Variants in NEB observed in about 807,000 individuals in gnomAD.
NEB encodes the protein nebulin.
Under a neutral mutation model 952.2 loss-of-function variants are expected in NEB, and 512 were observed. The observed-to-expected ratio is 0.54, with a 90% CI of 0.50 to 0.58. The LOEUF (loss-of-function observed/expected upper bound fraction) is 0.58. Ranked by LOEUF, NEB falls within the 20% of genes least tolerant of loss-of-function variation. The probability of loss-of-function intolerance (pLI) is 0.00; values close to 1 mark genes in which losing one functional copy is unlikely to be tolerated. For synonymous variants in NEB, 2,900 were observed against 3,149.8 expected (o/e 0.92, Z 2.66); for missense variants, 8,428 against 9,231.1 (o/e 0.91, Z 3.56).
At chr2:151,620,244 G>C (rs1186574592) in intron 72 of NEB, among the ~76,000 whole-genome samples, 1 of 150,062 alleles carries the variant, frequency 6.7e-6, no homozygotes, top group Non-Finnish European at 1.5e-5. Context: ...TGAAAATTCT[G>C]GAAATCTGTT....
In NEB at chr2:151,529,286, T is replaced by C; in HGVS notation, c.21659A>G (p.Asn7220Ser). The C allele has an allele frequency of 6.2e-7, 1 of 1,613,192 alleles. No homozygotes were observed. Among genetic ancestry groups the C allele is most frequent in the Non-Finnish European group, 8.5e-7 (1 of 1,179,134 alleles). ...TGGCTCAATGGTGCAGTTGGATTTA[T>C]TTCTTTGGTATACTTCTTTGTATTT... is the stretch of plus-strand genomic sequence containing the variant. ...DLKYKEVYQR[N>S]KSNCTIEPDA... Residue 7220 changes from asparagine to serine, a missense_variant, in exon 146 of 182, where the codon AAT (asparagine) becomes AGT (serine). Physicochemically the swap from Asn to Ser is conservative, Grantham distance 46 (BLOSUM62 1). Coordinates refer to ENST00000397345, the MANE Select transcript of NEB (RefSeq NM_001164508.2).
At chr2:151,526,833 ATCCT>A in intron 148 of NEB, 81 bp downstream of exon 148, 2 of 1,016,458 alleles carry the variant, frequency 2.0e-6, no homozygotes, top group Non-Finnish European at 3.0e-6. Flanking sequence ...GCTCTTCTCC[ATCCT>A]TCCCTGGTGT....
At chr2:151,578,822 C>A (rs2097001056) in intron 105 of NEB, among the ~76,000 whole-genome samples, 1 of 151,798 alleles carries the variant, frequency 6.6e-6, no homozygotes, top group South Asian at 2.1e-4. Context: ...TGGCTCACTT[C>A]TGTAATCCCA....
chr2:151,541,376 A>AGGTGAG, intron 136 of NEB, 71 bp downstream of exon 136: 2 of 1,140,494 alleles, frequency 1.8e-6, no homozygotes, highest in Non-Finnish European at 2.5e-6. Flanking sequence ...GCCACTGGCC[A>AGGTGAG]GGTGAGGCCA....
In NEB at chr2:151,659,046, CA is replaced by C. The variant is rs1444018232; in HGVS notation, c.6075+18del. 4.0e-6 allele frequency: 6 copies of C among 1,487,518 alleles called. No homozygotes were observed. The African/African-American group carries it at 6.9e-5, about 17-fold the overall frequency. The allele number at this position is 1,487,518 out of a possible 1,614,324, so 92.1% of individuals were successfully genotyped here. A position where few individuals can be genotyped will look rare whatever the true frequency, so the allele number is the denominator to read the frequency against. ...AATCTGCTGGAGAGAAAGATGACAA[CA>C]GGGGGAACTATACTTACATCACTCA... is the stretch of plus-strand genomic sequence containing the variant. On this transcript the variant is annotated intron_variant, in intron 47 of 181. Transcript: ENST00000397345.
intron 9 of NEB, among the ~76,000 whole-genome samples, chr2:151,719,823 A>C (rs2099769319): frequency 6.7e-6 from 1 of 148,598 alleles, no homozygotes; most frequent in African/African-American, 2.5e-5. Context: ...AGGTTGCAAT[A>C]AGCCAATAAG....
Position 151,526,011 on chromosome 2 carries a change from G to T in NEB, c.22108C>A (p.Pro7370Thr). The T allele has an allele frequency of 6.2e-7, 1 of 1,614,002 alleles. No individual in the cohort carries two copies. Among genetic ancestry groups the T allele is most frequent in the Non-Finnish European group, 8.5e-7 (1 of 1,179,874 alleles). ...ACGTGAACAGTGTCCCGGGTCTCTG[G>T]TAGTGTTGTGTATGAGCCCTGTGCC... ...HLAQGSYTTL[P>T]ETRDTVHVKE... Residue 7370 changes from proline (P) to threonine (T), a missense_variant, in exon 150 of 182, where the codon CCA becomes ACA. This residue lies in a region of NEB where 3,374 missense variants were observed against 3,651.5 expected (regional missense o/e 0.92). Transcript: ENST00000397345.
intron 142 of NEB, 27 bp from the exon 143 acceptor site, chr2:151,533,573 C>T (rs1265569696): frequency 7.3e-7 from 1 of 1,368,100 alleles, no homozygotes; most frequent in Non-Finnish European, 1.0e-6. Flanking sequence ...CAGTGAAGCA[C>T]AAAAGAGACT....
In NEB at chr2:151,506,796, T is replaced by A. The variant is rs1203357535; in HGVS notation, c.23556+113A>T. The A allele has an allele frequency of 8.6e-5, 62 of 717,456 alleles. 1 individual carries two copies. The highest frequency in any genetic ancestry group is 3.6e-4 in the South Asian group (22 of 60,312). The allele number at this position is 717,456 out of a possible 1,614,324, so 44.4% of individuals were successfully genotyped here. On this transcript the variant is annotated intron_variant, in intron 163 of 181. Coordinates refer to ENST00000397345, the MANE Select transcript of NEB (RefSeq NM_001164508.2). ...GATTTTAGCAAATCACTGCTAGTATTACTGAGGAGGTTAGATGTTAATTGT... is the reference window on the plus strand; with the variant it reads ...GATTTTAGCAAATCACTGCTAGTATAACTGAGGAGGTTAGATGTTAATTGT...
At chr2:151,517,212 CAT>C (rs1320996261) in intron 156 of NEB, among the ~76,000 whole-genome samples, 8 of 152,194 alleles carry the variant, frequency 5.3e-5, no homozygotes, top group African/African-American at 1.4e-4. Context: ...ATCCTCATAA[CAT>C]GTGGTTAAGA....
intron 135 of NEB, among the ~76,000 whole-genome samples, chr2:151,543,179 A>G (rs1458847387): frequency 6.6e-6 from 1 of 152,232 alleles, no homozygotes; most frequent in African/African-American, 2.4e-5. Context: ...AGGGCCTAAA[A>G]AATAATAGTT....
rs752241986 is a variant in NEB, at chr2:151,562,217, G to T, written c.18892-3C>A. On this transcript the variant is annotated splice_region_variant and splice_polypyrimidine_tract_variant and intron_variant, in intron 120 of 181. Coordinates refer to ENST00000397345, the MANE Select transcript of NEB (RefSeq NM_001164508.2). ...TTCAGGTCATCTTTATACACATTCT[G>T]CAAGAAAGAGAGAACAATGAAATGT... is the stretch of plus-strand genomic sequence containing the variant. 6.3e-7 allele frequency: 1 copy of T among 1,597,112 alleles called. No individual in the cohort carries two copies. Among genetic ancestry groups the T allele is most frequent in the Admixed American group, 1.7e-5 (1 of 60,000 alleles).
chr2:151,559,411 T>C (rs1202451125), intron 124 of NEB, among the ~76,000 whole-genome samples: 1 of 152,192 alleles, frequency 6.6e-6, no homozygotes, highest in Non-Finnish European at 1.5e-5. Context: ...GAACTAGAAA[T>C]ACCATTTGAC....
In NEB at chr2:151,656,183, C is replaced by A; in HGVS notation, c.6465G>T (p.Leu2155=). ...ILLPDAMNIE[L]TRNMNRIQSD... is the part of the protein sequence containing the mutation. Reference sequence around the variant, plus strand: ...TCTGTATGCGATTCATATTCCTGGTCAGCTCAATGTTCATTGCATCTGGAA... The same window carrying A: ...TCTGTATGCGATTCATATTCCTGGTAAGCTCAATGTTCATTGCATCTGGAA... The change falls in exon 49 of 182, where the codon CTG becomes CTT. Residue 2155 remains leucine (L), a synonymous_variant. Transcript: ENST00000397345. 1 of 1,602,846 alleles carries A rather than the reference C, an allele frequency of 6.2e-7. No individual in the cohort carries two copies. The highest frequency in any genetic ancestry group is 8.5e-7 in the Non-Finnish European group (1 of 1,173,274).
At chr2:151,577,959 T>C (rs958270258) in intron 105 of NEB, among the ~76,000 whole-genome samples, 6 of 152,216 alleles carry the variant, frequency 3.9e-5, no homozygotes, top group African/African-American at 1.4e-4. Flanking sequence ...GTGTGTTTAA[T>C]AAGTATTTTT....
intron 125 of NEB, among the ~76,000 whole-genome samples, 158 bp from the exon 126 acceptor site, chr2:151,554,183 A>T (rs892638449): frequency 2.0e-5 from 3 of 152,184 alleles, no homozygotes; most frequent in Admixed American, 2.0e-4. Context: ...ACCAAGGGAA[A>T]TTTTTAAAAA....
rs779062716 is a variant in NEB at position 151,639,424 on chromosome 2, C to T, written c.8890-40G>A. The T allele has an allele frequency of 1.3e-5, 18 of 1,435,768 alleles. No homozygotes were observed. The South Asian group carries it at 2.3e-4, about 19-fold the overall frequency. The allele number at this position is 1,435,768 out of a possible 1,614,324, so 88.9% of individuals were successfully genotyped here. A position where few individuals can be genotyped will look rare whatever the true frequency, so the allele number is the denominator to read the frequency against. ...ACACAAATTCATCAGGAAAAAAGTT[C>T]TGTGTATAGTTAATAGGAATTTTAG... On this transcript the variant is annotated intron_variant, in intron 62 of 181. Coordinates refer to ENST00000397345, the MANE Select transcript of NEB (RefSeq NM_001164508.2).
In NEB at chr2:151,502,854, A is replaced by G. The variant is rs933996254; in HGVS notation, c.23867T>C (p.Ile7956Thr). ...CATCTCTGGAGTGATAGGTGTTGGGATTCCTTTCCCCAAATTTTCTTTGTA... is the reference window on the plus strand; with the variant it reads ...CATCTCTGGAGTGATAGGTGTTGGGGTTCCTTTCCCCAAATTTTCTTTGTA... ...VLYKENLGKGIPTPITPEMER... is the reference protein window; with the variant it reads ...VLYKENLGKGTPTPITPEMER... The change falls in exon 167 of 182, where the codon ATC becomes ACC. Residue 7956 changes from isoleucine to threonine, a missense_variant. Ile to Thr is a moderately conservative substitution (Grantham distance 89). Transcript: ENST00000397345. The G allele has an allele frequency of 1.2e-6, 2 of 1,605,844 alleles. No individual in the cohort carries two copies.
At chr2:151,634,024 G>T (rs1172645028) in intron 64 of NEB, 59 bp from the exon 65 acceptor site, 5 of 1,537,530 alleles carry the variant, frequency 3.3e-6, no homozygotes, top group Non-Finnish European at 4.4e-6. Flanking sequence ...CCACAAGTCT[G>T]TGCAAAATCA....
Sources: gnomAD v4.1 joint callset for allele counts (sites outside exome capture counted in the v4.1 genomes callset) on GRCh38, gnomAD v4.1.1 for gene constraint, gnomAD v4.1.1 regional missense constraint, MANE v1.5 for transcripts, NCBI Gene and HGNC (gene_info 2026-07-23, HGNC 2026-07-21) for gene names.